The following DPP10 variants were observed in gnomAD, a reference collection of about 807,000 sequenced individuals.
The protein encoded by DPP10 is dipeptidyl peptidase like 10.
Under a neutral mutation model 120.9 loss-of-function variants are expected in DPP10, and 33 were observed. The observed-to-expected ratio is 0.27, with a 90% confidence interval of 0.21 to 0.37. DPP10 has a LOEUF of 0.37. Ranked by LOEUF, DPP10 falls within the 10% of genes least tolerant of loss-of-function variation. The probability of loss-of-function intolerance (pLI) is 1.00; values close to 1 mark genes in which losing one functional copy is unlikely to be tolerated. For synonymous variants in DPP10, 337 were observed against 326.1 expected, an observed-to-expected ratio of 1.03 and a Z score of -0.36; for missense variants, 816 against 942.8, an observed-to-expected ratio of 0.87 and a Z score of 1.76.
chr2:115,703,269 A>T (rs1460355030), intron 7 of DPP10, among the ~76,000 whole-genome samples: 2 of 151,944 alleles, frequency 1.3e-5, no homozygotes, highest in Non-Finnish European at 2.9e-5. Flanking sequence ...GTACGCTTAA[A>T]TTTACTTACA....
intron 1 of DPP10, among the ~76,000 whole-genome samples, chr2:114,721,163 A>T (rs1047040762): frequency 2.0e-5 from 3 of 152,198 alleles, no homozygotes; most frequent in African/African-American, 7.2e-5. Flanking sequence ...AAATGAAGAA[A>T]TTGGACTTCA....
intron 1 of DPP10, among the ~76,000 whole-genome samples, chr2:114,754,561 C>T (rs1473465283): frequency 6.6e-6 from 1 of 152,136 alleles, no homozygotes; most frequent in Non-Finnish European, 1.5e-5. Context: ...ATTCAAATCA[C>T]CTGGGAGCAT....
At chr2:114,832,014 A>T (rs1370155071) in intron 1 of DPP10, among the ~76,000 whole-genome samples, 9 of 151,796 alleles carry the variant, frequency 5.9e-5, no homozygotes, top group Non-Finnish European at 1.2e-4. Flanking sequence ...ATGTTTGCAC[A>T]CATTTAAATG....
At chr2:114,993,153 CAAG>C (rs1202865767) in intron 1 of DPP10, among the ~76,000 whole-genome samples, 1 of 152,154 alleles carries the variant, frequency 6.6e-6, no homozygotes, top group Non-Finnish European at 1.5e-5. Flanking sequence ...GAGTCAATAA[CAAG>C]AACAACTACA....
At chr2:115,155,070 T>TAC (rs200284783) in intron 1 of DPP10, among the ~76,000 whole-genome samples, 1 of 151,152 alleles carries the variant, frequency 6.6e-6, no homozygotes, top group Non-Finnish European at 1.5e-5. Flanking sequence ...TTTATTTATT[T>TAC]TTTTTTTTTG....
intron 3 of DPP10, among the ~76,000 whole-genome samples, chr2:115,452,422 A>G (rs1210186745): frequency 4.0e-5 from 6 of 151,876 alleles, no homozygotes; most frequent in Admixed American, 1.3e-4. Flanking sequence ...TCCCATCCCA[A>G]TGTAAGTCAA....
At chr2:114,576,830 TC>T (rs1690088531) in intron 1 of DPP10, among the ~76,000 whole-genome samples, 2 of 152,142 alleles carry the variant, frequency 1.3e-5, no homozygotes, top group South Asian at 4.2e-4. Context: ...CTCTGGGTCA[TC>T]CTGTGTAGAA....
chr2:114,769,105 G>A (rs1681012611), intron 1 of DPP10, among the ~76,000 whole-genome samples: 1 of 152,078 alleles, frequency 6.6e-6, no homozygotes, highest in Admixed American at 6.6e-5. Context: ...TAAATCTAGA[G>A]GACGGAATTA....
intron 4 of DPP10, among the ~76,000 whole-genome samples, chr2:115,506,005 T>A (rs1280506285): frequency 8.1e-6 from 1 of 124,110 alleles, no homozygotes; most frequent in Admixed American, 9.3e-5. Flanking sequence ...AATAAAATAA[T>A]AAAACACTCA....
chr2:115,336,187 A>G (rs2063118612), intron 2 of DPP10, among the ~76,000 whole-genome samples: 1 of 152,040 alleles, frequency 6.6e-6, no homozygotes, highest in African/African-American at 2.4e-5. Context: ...ACTCATTTCA[A>G]AGGCCATTTA....
chr2:115,686,258 A>G (rs1374673905), intron 5 of DPP10, among the ~76,000 whole-genome samples: 2 of 152,028 alleles, frequency 1.3e-5, no homozygotes. Context: ...TTAGTGCAAG[A>G]ATGCTGTGAT....
intron 1 of DPP10, among the ~76,000 whole-genome samples, chr2:114,923,744 G>A (rs544632735): frequency 7.6e-6 from 1 of 132,030 alleles, no homozygotes; most frequent in South Asian, 2.2e-4. Context: ...GGGATTACAG[G>A]CGTGAGCCAC....
intron 5 of DPP10, among the ~76,000 whole-genome samples, chr2:115,550,865 C>G (rs1048250821): frequency 6.6e-6 from 1 of 152,134 alleles, no homozygotes; most frequent in Non-Finnish European, 1.5e-5. Context: ...GTTTAAAGAA[C>G]TGAACTCCGT....
At chr2:114,541,657 G>A (rs994469786) in intron 1 of DPP10, among the ~76,000 whole-genome samples, 1 of 152,104 alleles carries the variant, frequency 6.6e-6, no homozygotes, top group East Asian at 1.9e-4. Context: ...AAGAAATTAA[G>A]TAAGTTATTA....
At chr2:114,839,578 G>A (rs574669040) in intron 1 of DPP10, among the ~76,000 whole-genome samples, 1 of 152,276 alleles carries the variant, frequency 6.6e-6, no homozygotes, top group African/African-American at 2.4e-5. Context: ...TCTACTTTGT[G>A]TCTTCCAAGG....
intron 1 of DPP10, among the ~76,000 whole-genome samples, chr2:114,510,868 C>A (rs989034947): frequency 6.6e-6 from 1 of 152,200 alleles, no homozygotes; most frequent in Non-Finnish European, 1.5e-5. Context: ...CACTCAAACA[C>A]AAATCTAGAT....
chr2:115,528,790 A>G (rs544572214), intron 5 of DPP10, among the ~76,000 whole-genome samples: 1 of 152,290 alleles, frequency 6.6e-6, no homozygotes, highest in South Asian at 2.1e-4. Flanking sequence ...GATTTCATCT[A>G]TATAACATTC....
chr2:114,699,868 T>C (rs1278881721), intron 1 of DPP10, among the ~76,000 whole-genome samples: 1 of 151,532 alleles, frequency 6.6e-6, no homozygotes, highest in Non-Finnish European at 1.5e-5. Flanking sequence ...AATGGGAGAG[T>C]ATGTGTCTAT....
chr2:115,778,739 C>T (rs867759604), intron 15 of DPP10, among the ~76,000 whole-genome samples: 1 of 152,058 alleles, frequency 6.6e-6, no homozygotes, highest in Non-Finnish European at 1.5e-5. Flanking sequence ...CTCTGCATCA[C>T]CCCCACACTC....
Sources: gnomAD v4.1 joint callset for allele counts (sites outside exome capture counted in the v4.1 genomes callset) on GRCh38, gnomAD v4.1.1 for gene constraint, MANE v1.5 for transcripts, NCBI Gene and HGNC (gene_info 2026-07-23, HGNC 2026-07-21) for gene names.